KCNIP4: variants seen among roughly 807,000 people sequenced by gnomAD.
KCNIP4 encodes the protein Kv channel-interacting protein 4.
In KCNIP4, 12 loss-of-function variants were observed where a neutral mutation model predicts 34.0. That is an observed-to-expected ratio of 0.35 (90% confidence interval 0.23 to 0.57). The LOEUF is 0.57. Ranked by LOEUF, KCNIP4 falls within the 20% of genes least tolerant of loss-of-function variation. The pLI is 0.83. For synonymous variants in KCNIP4, 124 were observed against 102.2 expected, an observed-to-expected ratio of 1.21 and a Z score of -1.29; for missense variants, 238 against 311.7, an observed-to-expected ratio of 0.76 and a Z score of 1.78.
chr4:21,457,025 C>A lies in KCNIP4; in HGVS notation c.61+491546G>T, dbSNP rs141023677. On this transcript the variant is annotated intron_variant, in intron 1 of 8. Coordinates refer to ENST00000382152, the MANE Select transcript of KCNIP4 (RefSeq NM_025221.6). ...TCTGAATCTGAAAATCTTTGGTGGC[C>A]TTTGCACATATCCTCTTCAGTTGTG... Among the ~76,000 whole-genome samples the A allele has an allele frequency of 3.1e-3, 469 of 152,048 alleles. 2 individuals are homozygous for A. The highest frequency in any genetic ancestry group is 4.1e-3 in the Non-Finnish European group (276 of 67,972).
intron 1 of KCNIP4, among the ~76,000 whole-genome samples, chr4:21,681,867 G>T (rs1016212793): frequency 6.7e-6 from 1 of 149,214 alleles, no homozygotes; most frequent in African/African-American, 2.5e-5. Flanking sequence ...GGAGGGGAAT[G>T]CCACACTTTT....
Position 21,720,445 on chromosome 4 carries a change from ATTTTG to A in KCNIP4, c.61+228121_61+228125del, listed in dbSNP as rs1274875226. On this transcript the variant is annotated intron_variant, in intron 1 of 8. Coordinates refer to ENST00000382152, the MANE Select transcript of KCNIP4 (RefSeq NM_025221.6). ...CTAAGTGATAGAAAACTTTTTTCTT[ATTTTG>A]TTTTATTTTCTTTATTTGTTTTACA... Among the ~76,000 whole-genome samples the A allele has an allele frequency of 5.3e-5, 8 of 150,686 alleles. No individual in the cohort carries two copies. In the South Asian group the frequency reaches 6.3e-4, roughly 12 times the overall value.
intron 1 of KCNIP4, among the ~76,000 whole-genome samples, chr4:21,127,460 T>G (rs1750718913): frequency 2.0e-5 from 3 of 152,300 alleles, no homozygotes; most frequent in Admixed American, 1.3e-4. Context: ...TACTACTGTC[T>G]GAAATTATTG....
intron 1 of KCNIP4, chr4:21,848,063 A>G (rs1277694318): frequency 6.6e-6 from 1 of 152,140 alleles, no homozygotes; most frequent in Non-Finnish European, 1.5e-5. Context: ...ACCATTCTGA[A>G]GGTTTAACAT....
intron 1 of KCNIP4, among the ~76,000 whole-genome samples, chr4:21,571,928 A>G (rs1001790261): frequency 1.2e-4 from 18 of 152,196 alleles, no homozygotes; most frequent in Non-Finnish European, 2.5e-4. Flanking sequence ...TAGGATATGT[A>G]TGGCACACTA....
intron 1 of KCNIP4, among the ~76,000 whole-genome samples, chr4:21,947,962 G>A (rs1730596998): frequency 6.6e-6 from 1 of 152,196 alleles, no homozygotes. Flanking sequence ...CACAGTGCCC[G>A]ATACCTTAAC....
chr4:21,519,799 A>C (rs940746825), intron 1 of KCNIP4, among the ~76,000 whole-genome samples: 4 of 136,608 alleles, frequency 2.9e-5, no homozygotes, highest in African/African-American at 1.1e-4. Context: ...GTGTGTATAC[A>C]CGTGTGTGTA....
chr4:20,995,229 T>C (rs1202725418), intron 1 of KCNIP4, among the ~76,000 whole-genome samples: 4 of 152,176 alleles, frequency 2.6e-5, no homozygotes, highest in African/African-American at 9.7e-5. Flanking sequence ...ATTTTTTTTC[T>C]TTTCTAGTCT....
At chr4:21,361,871 G>A (rs979571926) in intron 1 of KCNIP4, among the ~76,000 whole-genome samples, 1 of 151,938 alleles carries the variant, frequency 6.6e-6, no homozygotes, top group African/African-American at 2.4e-5. Flanking sequence ...AAAATTAGCA[G>A]GAATTTATAC....
intron 2 of KCNIP4, among the ~76,000 whole-genome samples, chr4:20,852,232 A>G (rs1207055886): frequency 1.3e-5 from 2 of 152,170 alleles, no homozygotes; most frequent in Non-Finnish European, 2.9e-5. Flanking sequence ...CCTTAACAAA[A>G]TACTCACTAG....
At chr4:21,044,613 T>A (rs1243665219) in intron 1 of KCNIP4, among the ~76,000 whole-genome samples, 2 of 152,152 alleles carry the variant, frequency 1.3e-5, no homozygotes, top group Non-Finnish European at 2.9e-5. Flanking sequence ...CCCAGCCCGT[T>A]TCCCCTGTTG....
Position 20,870,348 on chromosome 4 carries a change from A to G in KCNIP4, c.163+12260T>C, listed in dbSNP as rs545611674. Among the ~76,000 whole-genome samples the G allele has an allele frequency of 1.3e-3, 193 of 152,164 alleles. 1 individual carries two copies. The highest frequency in any genetic ancestry group is 4.4e-3 in the African/African-American group (184 of 41,540). On this transcript the variant is annotated intron_variant, in intron 2 of 8. Coordinates refer to ENST00000382152, the MANE Select transcript of KCNIP4 (RefSeq NM_025221.6). ...GTCTCTCCCACTCCACCATGTGAAG[A>G]AGCTGCTTGCTGCCCCTTCACCCGT...
chr4:21,434,899 T>G (rs901335232), intron 1 of KCNIP4, among the ~76,000 whole-genome samples: 1 of 152,160 alleles, frequency 6.6e-6, no homozygotes. Context: ...GATAAGTTAC[T>G]GCTTTCTTGA....
chr4:21,203,650 G>C (rs901539261), intron 1 of KCNIP4, among the ~76,000 whole-genome samples: 8 of 152,178 alleles, frequency 5.3e-5, no homozygotes, highest in African/African-American at 1.9e-4. Context: ...CTCACTCTGT[G>C]GGGAGCAGGC....
At chr4:21,024,718 G>C (rs766309287) in intron 1 of KCNIP4, among the ~76,000 whole-genome samples, 2 of 152,042 alleles carry the variant, frequency 1.3e-5, no homozygotes, top group Non-Finnish European at 2.9e-5. Flanking sequence ...TTTCAACTCC[G>C]CCCGCTGACA....
intron 1 of KCNIP4, among the ~76,000 whole-genome samples, chr4:21,623,264 C>T (rs1745105816): frequency 6.6e-6 from 1 of 152,100 alleles, no homozygotes; most frequent in South Asian, 2.1e-4. Flanking sequence ...TATTACTAAA[C>T]AATTATGAAT....
At chr4:20,862,826 G>T (rs1224570677) in intron 2 of KCNIP4, among the ~76,000 whole-genome samples, 4 of 152,140 alleles carry the variant, frequency 2.6e-5, no homozygotes, top group African/African-American at 9.7e-5. Context: ...CAGAAACATG[G>T]ATGGAGCTGG....
At chr4:21,208,712 T>A (rs537688063) in intron 1 of KCNIP4, among the ~76,000 whole-genome samples, 3 of 152,256 alleles carry the variant, frequency 2.0e-5, no homozygotes, top group South Asian at 4.1e-4. Flanking sequence ...GTAATTAAAC[T>A]CTTTTGTATT....
At chr4:21,511,869 A>G (rs1391235104) in intron 1 of KCNIP4, among the ~76,000 whole-genome samples, 1 of 152,148 alleles carries the variant, frequency 6.6e-6, no homozygotes, top group Non-Finnish European at 1.5e-5. Context: ...GTCCCTATTG[A>G]GATTCAGAGA....
Sources: gnomAD v4.1 joint callset for allele counts (sites outside exome capture counted in the v4.1 genomes callset) on GRCh38, gnomAD v4.1.1 for gene constraint, MANE v1.5 for transcripts, NCBI Gene and HGNC (gene_info 2026-07-23, HGNC 2026-07-21) for gene names.